Variants in TAF4B observed in about 807,000 individuals in gnomAD.
TAF4B encodes the protein transcription initiation factor TFIID subunit 4B.
In TAF4B, 38 loss-of-function variants were observed where a neutral mutation model predicts 86.4. The observed-to-expected ratio is 0.44, with a 90% CI of 0.34 to 0.58. TAF4B has a LOEUF of 0.58. Among genes scored for constraint, TAF4B ranks in the 20% least tolerant of loss-of-function variants. The probability of loss-of-function intolerance (pLI) is 0.02; values close to 1 mark genes in which losing one functional copy is unlikely to be tolerated. For synonymous variants in TAF4B, 388 were observed against 391.2 expected (o/e 0.99, Z 0.10); for missense variants, 988 against 1,027.6 (o/e 0.96, Z 0.53).
intron 1 of TAF4B, among the ~76,000 whole-genome samples, chr18:26,258,038 G>A (rs1009308906): frequency 3.3e-5 from 5 of 151,924 alleles, no homozygotes; most frequent in Non-Finnish European, 7.4e-5. Flanking sequence ...GGCAGATCAC[G>A]AGGTCAGGAG....
chr18:26,293,573 T>C, intron 9 of TAF4B, 42 bp downstream of exon 9: 1 of 1,364,018 alleles, frequency 7.3e-7, no homozygotes. Flanking sequence ...GGAAGTAATT[T>C]TTTTTTAAAA....
At chr18:26,388,623 G>T (rs1420540693) in intron 14 of TAF4B, among the ~76,000 whole-genome samples, 5 of 152,152 alleles carry the variant, frequency 3.3e-5, no homozygotes, top group Non-Finnish European at 7.4e-5. Context: ...GAGTAGATTG[G>T]CCTAGAATGG....
At chr18:26,265,999 T>C (rs1325956694) in intron 2 of TAF4B, 1 of 152,030 alleles carries the variant, frequency 6.6e-6, no homozygotes, top group Admixed American at 6.6e-5. Flanking sequence ...GGTTTTGAAC[T>C]CCTGACTTCA....
At chr18:26,254,718 C>G (rs2056057108) in intron 1 of TAF4B, among the ~76,000 whole-genome samples, 1 of 152,168 alleles carries the variant, frequency 6.6e-6, no homozygotes, top group East Asian at 1.9e-4. Context: ...CTCGCCTGTC[C>G]TAGAGACGTG....
intron 10 of TAF4B, among the ~76,000 whole-genome samples, chr18:26,320,010 T>C (rs994786032): frequency 2.0e-5 from 3 of 152,222 alleles, no homozygotes; most frequent in African/African-American, 7.2e-5. Context: ...GAAGGGTTGG[T>C]TTAGGAGAAG....
intron 14 of TAF4B, among the ~76,000 whole-genome samples, chr18:26,378,781 T>C (rs1389364437): frequency 6.6e-6 from 1 of 152,300 alleles, no homozygotes; most frequent in East Asian, 1.9e-4. Flanking sequence ...TTCAGAACTT[T>C]GTAGAATTGG....
intron 14 of TAF4B, among the ~76,000 whole-genome samples, chr18:26,380,425 AT>A (rs1240261104): frequency 1.3e-5 from 2 of 152,178 alleles, no homozygotes; most frequent in African/African-American, 4.8e-5. Context: ...ATTTAGAAGT[AT>A]GTTGTTTAAT....
chr18:26,240,393 A>G (rs529364866), intron 1 of TAF4B, among the ~76,000 whole-genome samples: 1 of 152,162 alleles, frequency 6.6e-6, no homozygotes, highest in Non-Finnish European at 1.5e-5. Context: ...TTTGTCTGTT[A>G]TTGGTGTATA....
At chr18:26,275,174 G>A (rs1467844307) in intron 5 of TAF4B, 121 bp downstream of exon 5, 1 of 1,156,716 alleles carries the variant, frequency 8.6e-7, no homozygotes, top group Non-Finnish European at 1.1e-6. Flanking sequence ...TTTATGTTTT[G>A]AGACAGAGTC....
At chr18:26,360,364 T>C (rs1598827953) in intron 14 of TAF4B, among the ~76,000 whole-genome samples, 1 of 152,300 alleles carries the variant, frequency 6.6e-6, no homozygotes. Flanking sequence ...ATTTTTCTTT[T>C]TCCCATGGAG....
intron 9 of TAF4B, among the ~76,000 whole-genome samples, chr18:26,296,050 C>T (rs2056658692): frequency 6.6e-6 from 1 of 151,052 alleles, no homozygotes; most frequent in Non-Finnish European, 1.5e-5. Flanking sequence ...GTCCTTTTGC[C>T]TCTCTTTCAT....
chr18:26,285,996 ACTT>A lies in TAF4B; in HGVS notation c.1090_1092del (p.Ser364del). 2 of 1,614,206 alleles carry A rather than the reference ACTT, an allele frequency of 1.2e-6. No individual in the cohort carries two copies. Among genetic ancestry groups the A allele is most frequent in the Non-Finnish European group, 1.7e-6 (2 of 1,180,038 alleles). On this transcript the variant is annotated inframe_deletion, in exon 7 of 15. Transcript: ENST00000269142. ...TGCTACCTGTACTACAACAGTAACA[ACTT>A]CTCCTGTGGTGACAACTACAGTGTC...
intron 9 of TAF4B, among the ~76,000 whole-genome samples, chr18:26,311,677 C>T (rs1203706673): frequency 6.6e-6 from 1 of 152,058 alleles, no homozygotes; most frequent in Non-Finnish European, 1.5e-5. Context: ...AGGGAATAGT[C>T]TAAGCAAAGT....
intron 1 of TAF4B, among the ~76,000 whole-genome samples, chr18:26,247,420 C>T (rs775434140): frequency 3.9e-5 from 6 of 152,130 alleles, no homozygotes; most frequent in Admixed American, 6.5e-5. Context: ...AATTCTCAGC[C>T]GTCTGAAAGT....
At chr18:26,249,883 C>T (rs746652091) in intron 1 of TAF4B, among the ~76,000 whole-genome samples, 7 of 152,098 alleles carry the variant, frequency 4.6e-5, no homozygotes, top group South Asian at 2.1e-4. Context: ...CCACCATGCC[C>T]GGCTAATTTT....
chr18:26,340,331 A>G (rs1274976648), intron 13 of TAF4B, among the ~76,000 whole-genome samples: 2 of 152,342 alleles, frequency 1.3e-5, no homozygotes, highest in African/African-American at 4.8e-5. Context: ...CTATTAAATT[A>G]TATCAATTTG....
rs578085695 is a variant in TAF4B, at chr18:26,366,926, T to C, written c.2421+9132T>C. Among the ~76,000 whole-genome samples the C allele has an allele frequency of 4.1e-4, 62 of 152,336 alleles. 1 individual carries two copies. The highest frequency in any genetic ancestry group is 6.8e-3 in the Middle Eastern group (2 of 294). ...TCTTCATTAGTCCTCACAATTCCTCTGTAAGATCATACTATTGTTTTCCTC... is the reference window on the plus strand; with the variant it reads ...TCTTCATTAGTCCTCACAATTCCTCCGTAAGATCATACTATTGTTTTCCTC... On this transcript the variant is annotated intron_variant, in intron 14 of 14. Transcript: ENST00000269142.
intron 7 of TAF4B, among the ~76,000 whole-genome samples, chr18:26,290,891 A>G (rs2056583132): frequency 6.6e-6 from 1 of 152,200 alleles, no homozygotes; most frequent in South Asian, 2.1e-4. Flanking sequence ...AGACCTGTAT[A>G]TTACTTTGTA....
chr18:26,260,617 C>T (rs1459438422), intron 1 of TAF4B, among the ~76,000 whole-genome samples: 2 of 152,060 alleles, frequency 1.3e-5, no homozygotes, highest in East Asian at 1.9e-4. Flanking sequence ...TTTCTGAGGG[C>T]TCTGTTCTGT....
Sources: gnomAD v4.1 joint callset for allele counts (sites outside exome capture counted in the v4.1 genomes callset) on GRCh38, gnomAD v4.1.1 for gene constraint, MANE v1.5 for transcripts, NCBI Gene and HGNC (gene_info 2026-07-23, HGNC 2026-07-21) for gene names.